Variants in PRMT3 observed in about 807,000 individuals in gnomAD.
PRMT3 encodes the protein protein arginine methyltransferase 3.
A neutral mutation model predicts 71.9 loss-of-function variants in PRMT3; 62 were observed. The ratio of observed to expected loss-of-function variants is 0.86; its 90% CI spans 0.70 to 1.07. PRMT3 has a LOEUF of 1.07. Among genes scored for constraint, PRMT3 ranks in the 50% least tolerant of loss-of-function variants. PRMT3 has a pLI of 0.00. For synonymous variants in PRMT3, 213 were observed against 220.4 expected (o/e 0.97, Z 0.30); for missense variants, 663 against 643.0 (o/e 1.03, Z -0.34).
chr11:20,396,088 A>G, intron 6 of PRMT3, 126 bp downstream of exon 6: 2 of 818,972 alleles, frequency 2.4e-6, no homozygotes, highest in Non-Finnish European at 3.7e-6. Context: ...TTATCTTCAT[A>G]CTGTTAAAGA....
At chr11:20,501,780 T>C (rs1851463874) in intron 15 of PRMT3, among the ~76,000 whole-genome samples, 1 of 152,212 alleles carries the variant, frequency 6.6e-6, no homozygotes, top group Non-Finnish European at 1.5e-5. Context: ...AGTTTTATTG[T>C]ACAAACTTTT....
chr11:20,408,097 CTTGT>C, intron 9 of PRMT3, 65 bp downstream of exon 9: 1 of 1,244,746 alleles, frequency 8.0e-7, no homozygotes, highest in Non-Finnish European at 1.1e-6. Flanking sequence ...AATAGATTTT[CTTGT>C]CTTTAGTAGC....
intron 15 of PRMT3, among the ~76,000 whole-genome samples, chr11:20,503,529 A>AC (rs1455084494): frequency 6.6e-6 from 1 of 152,090 alleles, no homozygotes; most frequent in Non-Finnish European, 1.5e-5. Context: ...TGATTCCCAG[A>AC]CCAAGACAGT....
At position 20,497,575 on chromosome 11, in the gene PRMT3, A is replaced by G. The variant is rs371308637; in HGVS notation, c.1486+3321A>G. Among the ~76,000 whole-genome samples, 144 of 152,310 alleles carry G rather than the reference A, an allele frequency of 9.5e-4. 2 individuals are homozygous for G. The highest frequency in any genetic ancestry group is 8.1e-3 in the South Asian group (39 of 4,820). On this transcript the variant is annotated intron_variant, in intron 15 of 15. Transcript: ENST00000331079. ...AAGCCTTTGATGTTAGCCTTGATTA[A>G]CAGATGCTGGGAAGTTGCAGAGCAG...
intron 13 of PRMT3, among the ~76,000 whole-genome samples, chr11:20,474,130 C>A (rs1269782698): frequency 3.3e-5 from 5 of 152,186 alleles, no homozygotes; most frequent in Non-Finnish European, 7.4e-5. Context: ...TGGCTAGAGA[C>A]CCCTTTTGGG....
chr11:20,400,036 C>G (rs935326836), intron 7 of PRMT3, among the ~76,000 whole-genome samples: 1 of 152,192 alleles, frequency 6.6e-6, no homozygotes, highest in Non-Finnish European at 1.5e-5. Context: ...TTGCATTTTG[C>G]CAAGTTACGT....
rs1848982057 is a variant in PRMT3 at position 20,402,936 on chromosome 11, A to G, written c.723A>G (p.Glu241=). The change falls in exon 8 of 16, where the codon GAA becomes GAG. Residue 241 remains glutamate, a synonymous_variant. Coordinates refer to ENST00000331079, the MANE Select transcript of PRMT3 (RefSeq NM_005788.4). ...EEMLKDKIRT[E]SYRDFIYQNP... ...CACCCTAGGACAAAATACGAACAGA[A>G]AGCTACCGAGATTTCATATACCAAA... 4 of 1,609,096 alleles carry G rather than the reference A, an allele frequency of 2.5e-6. No homozygotes were observed. Among genetic ancestry groups the G allele is most frequent in the Non-Finnish European group, 3.4e-6 (4 of 1,175,686 alleles).
At chr11:20,425,139 C>T (rs1166156509) in intron 9 of PRMT3, among the ~76,000 whole-genome samples, 1 of 151,460 alleles carries the variant, frequency 6.6e-6, no homozygotes, top group African/African-American at 2.4e-5. Flanking sequence ...ATACAACTGA[C>T]CTGATGTTTT....
At chr11:20,488,627 GA>G (rs1386531919) in intron 13 of PRMT3, among the ~76,000 whole-genome samples, 8 of 152,126 alleles carry the variant, frequency 5.3e-5, no homozygotes, top group Non-Finnish European at 1.2e-4. Flanking sequence ...ATGAAGAACA[GA>G]AATGATAAAT....
At chr11:20,494,393 C>T (rs998681045) in intron 15 of PRMT3, 139 bp downstream of exon 15, 4 of 747,342 alleles carry the variant, frequency 5.4e-6, no homozygotes, top group Non-Finnish European at 8.8e-6. Context: ...GGCTGGAGAA[C>T]AGTGATCTCG....
At chr11:20,420,395 G>T (rs941771644) in intron 9 of PRMT3, among the ~76,000 whole-genome samples, 2 of 152,080 alleles carry the variant, frequency 1.3e-5, no homozygotes, top group African/African-American at 2.4e-5. Flanking sequence ...AAGAACAGGG[G>T]TCCCCAATCC....
chr11:20,445,549 C>G (rs964174001), intron 10 of PRMT3, among the ~76,000 whole-genome samples: 1 of 151,910 alleles, frequency 6.6e-6, no homozygotes, highest in Non-Finnish European at 1.5e-5. Flanking sequence ...GTGAAATGTA[C>G]CATACACAGA....
intron 9 of PRMT3, among the ~76,000 whole-genome samples, chr11:20,419,920 C>G (rs1252656902): frequency 6.6e-6 from 1 of 152,154 alleles, no homozygotes; most frequent in East Asian, 1.9e-4. Flanking sequence ...GCCTGTAATT[C>G]CAATACTTTG....
chr11:20,447,301 A>C lies in PRMT3; in HGVS notation c.994-4829A>C, dbSNP rs370925659. Among the ~76,000 whole-genome samples the C allele has an allele frequency of 7.9e-5, 12 of 152,132 alleles. No homozygotes were observed. In the East Asian group the frequency reaches 1.7e-3, roughly 22 times the overall value. ...CCTGGGATTATTTGAGCTGTGGGCAATCTCTGGAAACATTTTAGATTGTTA... is the reference window on the plus strand; with the variant it reads ...CCTGGGATTATTTGAGCTGTGGGCACTCTCTGGAAACATTTTAGATTGTTA... On this transcript the variant is annotated intron_variant, in intron 10 of 15. Transcript: ENST00000331079.
chr11:20,497,671 C>T (rs923902507), intron 15 of PRMT3, among the ~76,000 whole-genome samples: 16 of 152,086 alleles, frequency 1.1e-4, no homozygotes, highest in African/African-American at 3.1e-4. Flanking sequence ...CGGAGTTTTA[C>T]GCAAGTAATA....
At chr11:20,392,679 C>A (rs1426603434) in intron 4 of PRMT3, among the ~76,000 whole-genome samples, 3 of 148,572 alleles carry the variant, frequency 2.0e-5, no homozygotes, top group African/African-American at 5.0e-5. Flanking sequence ...CAACGCTTTC[C>A]CCAAATCCAA....
chr11:20,491,231 TCATTC>T (rs1851198952), intron 13 of PRMT3, among the ~76,000 whole-genome samples: 1 of 152,228 alleles, frequency 6.6e-6, no homozygotes, highest in African/African-American at 2.4e-5. Flanking sequence ...GTCTTTTGAT[TCATTC>T]CATTGTGTTT....
intron 9 of PRMT3, among the ~76,000 whole-genome samples, chr11:20,410,008 T>C (rs1352617703): frequency 6.6e-6 from 1 of 152,154 alleles, no homozygotes; most frequent in Non-Finnish European, 1.5e-5. Flanking sequence ...TTAGTCATTG[T>C]TTTTTACGAT....
At chr11:20,389,674 T>A in intron 2 of PRMT3, 70 bp from the exon 3 acceptor site, 1 of 1,045,470 alleles carries the variant, frequency 9.6e-7, no homozygotes, top group Non-Finnish European at 1.4e-6. Context: ...AAAAAGTGTA[T>A]ATGTAACATG....
Sources: gnomAD v4.1 joint callset for allele counts (sites outside exome capture counted in the v4.1 genomes callset) on GRCh38, gnomAD v4.1.1 for gene constraint, MANE v1.5 for transcripts, NCBI Gene and HGNC (gene_info 2026-07-23, HGNC 2026-07-21) for gene names.